Variants in HOMER2 observed in about 807,000 individuals in gnomAD.
HOMER2 encodes the protein homer scaffold protein 2.
A neutral mutation model predicts 47.0 loss-of-function variants in HOMER2; 27 were observed. The observed-to-expected ratio is 0.57, with a 90% CI of 0.42 to 0.79. The LOEUF (loss-of-function observed/expected upper bound fraction) is 0.79, where lower values mean the gene tolerates loss of function less well. Ranked by LOEUF, HOMER2 falls within the 30% of genes least tolerant of loss-of-function variation. The probability of loss-of-function intolerance (pLI) is 0.00; values close to 1 mark genes in which losing one functional copy is unlikely to be tolerated. For missense variants in HOMER2, 443 were observed against 435.0 expected, an observed-to-expected ratio of 1.02 and a Z score of -0.16; for synonymous variants, 161 against 163.8, an observed-to-expected ratio of 0.98 and a Z score of 0.13.
chr15:82,867,739 AAC>A (rs2052021879), intron 3 of HOMER2, among the ~76,000 whole-genome samples: 1 of 152,208 alleles, frequency 6.6e-6, no homozygotes, highest in African/African-American at 2.4e-5. Context: ...TAGTGAAAAA[AAC>A]ATTCATACCT....
intron 3 of HOMER2, among the ~76,000 whole-genome samples, chr15:82,868,251 T>C (rs1014153185): frequency 2.0e-5 from 3 of 151,600 alleles, no homozygotes; most frequent in African/African-American, 7.3e-5. Flanking sequence ...GATGCACAGT[T>C]TGCAAAAATG....
chr15:82,982,634 G>A (rs1019206942), intron 1 of HOMER2, among the ~76,000 whole-genome samples: 3 of 152,114 alleles, frequency 2.0e-5, no homozygotes, highest in African/African-American at 7.2e-5. Flanking sequence ...TGGATTTGGG[G>A]ACATTTTGTA....
chr15:82,841,379 A>AT (rs1483860345), exon 2 of HOMER2: 1 of 152,226 alleles, frequency 6.6e-6, no homozygotes, highest in East Asian at 1.9e-4. Flanking sequence ...GAAAAAAGCC[A>AT]TTTAATAAAA....
In HOMER2 at chr15:82,854,761, G is replaced by T; in HGVS notation, c.534C>A (p.Thr178=). ...TCAGCCGTGCATTGCTCTCCCGAAGGGTCTGCAGCTCGATCTCCCACTTCT... is the reference window on the plus strand; with the variant it reads ...TCAGCCGTGCATTGCTCTCCCGAAGTGTCTGCAGCTCGATCTCCCACTTCT... ...NVKKWEIELQ[T]LRESNARLTT... The change falls in exon 6 of 9, where the codon ACC becomes ACA. Residue 178 remains threonine (T), a synonymous_variant. Coordinates refer to ENST00000450735, the MANE Select transcript of HOMER2 (RefSeq NM_004839.4). The T allele has an allele frequency of 1.9e-6, 3 of 1,611,690 alleles. No individual in the cohort carries two copies. Among genetic ancestry groups the T allele is most frequent in the Non-Finnish European group, 2.5e-6 (3 of 1,179,766 alleles).
chr15:82,935,083 C>G (rs553086386), intron 1 of HOMER2, among the ~76,000 whole-genome samples: 1 of 152,126 alleles, frequency 6.6e-6, no homozygotes, highest in African/African-American at 2.4e-5. Context: ...CTCTGCCCCC[C>G]GCCTTCAACT....
At chr15:82,920,577 A>G (rs1303450504) in intron 1 of HOMER2, among the ~76,000 whole-genome samples, 2 of 152,200 alleles carry the variant, frequency 1.3e-5, no homozygotes, top group Non-Finnish European at 2.9e-5. Flanking sequence ...CAAAGCCTGC[A>G]GCAAAGCATC....
intron 1 of HOMER2, among the ~76,000 whole-genome samples, chr15:82,950,890 G>A (rs1408223146): frequency 6.6e-6 from 1 of 152,172 alleles, no homozygotes; most frequent in Non-Finnish European, 1.5e-5. Flanking sequence ...CAGAGTTTCA[G>A]TACTTGTTTT....
At position 82,942,952 on chromosome 15, in the gene HOMER2, G is replaced by A. The variant is rs1049235643; in HGVS notation, c.5+9579C>T. Among the ~76,000 whole-genome samples the A allele has an allele frequency of 1.4e-4, 21 of 152,254 alleles. 1 individual carries two copies. Among genetic ancestry groups the A allele is most frequent in the African/African-American group, 3.9e-4 (16 of 41,538 alleles). On this transcript the variant is annotated intron_variant, in intron 1 of 8. Coordinates refer to ENST00000450735, the MANE Select transcript of HOMER2 (RefSeq NM_004839.4). ...GGACTGGGAGCAGAGTGACTGGGTCGTCTGGAAGGCAGCCACACAGTGGCT... is the reference window on the plus strand; with the variant it reads ...GGACTGGGAGCAGAGTGACTGGGTCATCTGGAAGGCAGCCACACAGTGGCT...
chr15:82,847,158 C>G (rs983659321), downstream of HOMER2: 1 of 152,228 alleles, frequency 6.6e-6, no homozygotes, highest in African/African-American at 2.4e-5. Flanking sequence ...AAGGTTATGA[C>G]AACAGTACTG....
chr15:82,876,844 C>T (rs1017031251), intron 2 of HOMER2, among the ~76,000 whole-genome samples: 5 of 152,220 alleles, frequency 3.3e-5, no homozygotes, highest in African/African-American at 1.2e-4. Context: ...ACAGACCTTC[C>T]AGATACAAAC....
At chr15:82,881,600 T>C (rs372494875) in intron 2 of HOMER2, among the ~76,000 whole-genome samples, 1 of 152,240 alleles carries the variant, frequency 6.6e-6, no homozygotes, top group African/African-American at 2.4e-5. Context: ...GCTTGCTCCC[T>C]TAACAGAAGG....
At chr15:82,856,640 A>G (rs1195957805) in intron 5 of HOMER2, among the ~76,000 whole-genome samples, 1 of 152,148 alleles carries the variant, frequency 6.6e-6, no homozygotes, top group East Asian at 1.9e-4. Context: ...AAATAAATAA[A>G]TAAAGCTCTC....
chr15:82,963,938 T>C (rs2151252837), intron 1 of HOMER2, among the ~76,000 whole-genome samples: 1 of 152,284 alleles, frequency 6.6e-6, no homozygotes, highest in East Asian at 1.9e-4. Flanking sequence ...GGCAGCCCCA[T>C]GCCCTGGCTG....
chr15:82,851,141 A>G lies in HOMER2; in HGVS notation c.843+10T>C. On this transcript the variant is annotated intron_variant, in intron 8 of 8. Transcript: ENST00000450735. ...CTGAGCCAGGATGGCTGTGCCCCCA[A>G]CCCACGTACCTCTAGCTTCTCAGAG... 6.4e-7 allele frequency: 1 copy of G among 1,568,194 alleles called. No homozygotes were observed. The highest frequency in any genetic ancestry group is 8.7e-7 in the Non-Finnish European group (1 of 1,151,488).
chr15:82,933,346 C>T (rs907059916), intron 1 of HOMER2, among the ~76,000 whole-genome samples: 1 of 152,040 alleles, frequency 6.6e-6, no homozygotes, highest in African/African-American at 2.4e-5. Context: ...GCTGTCTCAG[C>T]CTCCTGAGTA....
intron 1 of HOMER2, among the ~76,000 whole-genome samples, chr15:82,909,955 T>A (rs2053404974): frequency 2.0e-5 from 3 of 151,698 alleles, no homozygotes. Flanking sequence ...GCCAACATGG[T>A]GAAACCCCGT....
chr15:82,881,539 AGAAAAGAAATATTCACT>A (rs1195794361), intron 2 of HOMER2, among the ~76,000 whole-genome samples: 1 of 152,214 alleles, frequency 6.6e-6, no homozygotes, highest in Non-Finnish European at 1.5e-5. Context: ...CAGACAGCGA[AGAAAAGAAATATTCACT>A]GAAAACCTAC....
intron 1 of HOMER2, among the ~76,000 whole-genome samples, chr15:82,982,580 A>G (rs2030430625): frequency 1.3e-5 from 2 of 152,194 alleles, no homozygotes; most frequent in Non-Finnish European, 2.9e-5. Context: ...AAAATGCTCC[A>G]ATGAGCATTT....
intron 2 of HOMER2, among the ~76,000 whole-genome samples, chr15:82,879,257 A>G (rs562438065): frequency 1.3e-5 from 2 of 152,270 alleles, no homozygotes; most frequent in African/African-American, 4.8e-5. Flanking sequence ...GCACTTTGGG[A>G]GGCAAAGGCA....
Sources: allele counts gnomAD v4.1 joint callset (sites outside exome capture counted in the v4.1 genomes callset), GRCh38; gene constraint gnomAD v4.1.1; transcripts MANE v1.5; gene names NCBI Gene and HGNC (gene_info 2026-07-23, HGNC 2026-07-21).